Variants in TXNRD2 observed in about 807,000 individuals in gnomAD.
The protein encoded by TXNRD2 is thioredoxin reductase 2, mitochondrial.
A neutral mutation model predicts 70.8 loss-of-function variants in TXNRD2; 67 were observed. That is an observed-to-expected ratio of 0.95 (90% CI 0.78 to 1.16). The LOEUF is 1.16. TXNRD2 is among the 50% of genes most tolerant of loss of function. TXNRD2 has a pLI of 0.00. For missense variants in TXNRD2, 644 were observed against 719.9 expected (o/e 0.89, Z 1.21); for synonymous variants, 301 against 295.8 (o/e 1.02, Z -0.18).
At chr22:19,933,802 G>A (rs1941449691) in intron 1 of TXNRD2, among the ~76,000 whole-genome samples, 1 of 152,176 alleles carries the variant, frequency 6.6e-6, no homozygotes, top group Non-Finnish European at 1.5e-5. Flanking sequence ...CACACCACCT[G>A]TGCACTCCAG....
chr22:19,918,534 C>G (rs1002437564), intron 4 of TXNRD2, among the ~76,000 whole-genome samples: 1 of 151,984 alleles, frequency 6.6e-6, no homozygotes, highest in Non-Finnish European at 1.5e-5. Flanking sequence ...GCCACGTGGT[C>G]CCCTTCCCAG....
intron 1 of TXNRD2, among the ~76,000 whole-genome samples, chr22:19,937,663 C>T (rs1371963536): frequency 6.6e-6 from 1 of 152,110 alleles, no homozygotes; most frequent in Non-Finnish European, 1.5e-5. Context: ...TTTCTTGGAG[C>T]CTGCTATAAT....
At chr22:19,928,213 C>G (rs1941224945) in intron 2 of TXNRD2, among the ~76,000 whole-genome samples, 1 of 152,000 alleles carries the variant, frequency 6.6e-6, no homozygotes, top group African/African-American at 2.4e-5. Flanking sequence ...CCAGTTGGTC[C>G]ATTTTTAGGC....
At chr22:19,936,077 C>T (rs550427275) in intron 1 of TXNRD2, among the ~76,000 whole-genome samples, 7 of 152,246 alleles carry the variant, frequency 4.6e-5, no homozygotes, top group South Asian at 4.2e-4. Flanking sequence ...GAAAAGGGAA[C>T]GTTAGATGTG....
chr22:19,898,510 CTTTT>C (rs386394954), intron 9 of TXNRD2, among the ~76,000 whole-genome samples: 36 of 94,390 alleles, frequency 3.8e-4, no homozygotes, highest in African/African-American at 1.4e-3. Flanking sequence ...CGGCTTGGGG[CTTTT>C]TTTTTTTTTT....
intron 8 of TXNRD2, among the ~76,000 whole-genome samples, chr22:19,899,803 G>A (rs570391783): frequency 6.6e-6 from 1 of 152,232 alleles, no homozygotes; most frequent in African/African-American, 2.4e-5. Context: ...GCACATACTC[G>A]CATGGGTACA....
At chr22:19,911,325 GCTCA>G in intron 8 of TXNRD2, 48 bp downstream of exon 8, 1 of 1,417,814 alleles carries the variant, frequency 7.1e-7, no homozygotes, top group Non-Finnish European at 1.0e-6. Flanking sequence ...AGGGTCCAGT[GCTCA>G]CTCTGGTGAA....
intron 11 of TXNRD2, 39 bp from the exon 12 acceptor site, chr22:19,883,500 G>C (rs889432366): frequency 1.2e-6 from 2 of 1,613,332 alleles, no homozygotes; most frequent in Non-Finnish European, 1.7e-6. Context: ...GTTATCTTCA[G>C]TGGCTTTGAC....
intron 17 of TXNRD2, chr22:19,876,653 A>G (rs374209468): frequency 1.2e-4 from 19 of 155,076 alleles, no homozygotes; most frequent in African/African-American, 4.6e-4. Flanking sequence ...CCTTGGTGGG[A>G]GGCCTCGGTG....
intron 2 of TXNRD2, among the ~76,000 whole-genome samples, chr22:19,930,235 G>C (rs1201630733): frequency 2.6e-5 from 4 of 152,130 alleles, no homozygotes; most frequent in Non-Finnish European, 5.9e-5. Flanking sequence ...CCCAATACTG[G>C]ACATCAGAGA....
chr22:19,881,603 T>C (rs1360790855), intron 12 of TXNRD2, among the ~76,000 whole-genome samples: 2 of 152,234 alleles, frequency 1.3e-5, no homozygotes, highest in Admixed American at 1.3e-4. Flanking sequence ...CGGTTTGAAA[T>C]GTTCCAGTTT....
chr22:19,889,141 G>A (rs907366772), intron 11 of TXNRD2, among the ~76,000 whole-genome samples: 6 of 152,066 alleles, frequency 3.9e-5, no homozygotes, highest in Non-Finnish European at 8.8e-5. Flanking sequence ...CTCCTTGGGG[G>A]GTGGGGGTGA....
Position 19,878,190 on chromosome 22 carries a change from G to C in TXNRD2, c.1348-3C>G. The C allele has an allele frequency of 1.2e-6, 2 of 1,612,818 alleles. No homozygotes were observed. The highest frequency in any genetic ancestry group is 8.5e-7 in the Non-Finnish European group (1 of 1,179,800). On this transcript the variant is annotated splice_region_variant and splice_polypyrimidine_tract_variant and intron_variant, in intron 15 of 17. Transcript: ENST00000400521. ...GGGGGCTCCCTCAGGCACACCATCT[G>C]AAAGCCGCACATCTCAGCCACCAGC...
At chr22:19,895,383 G>A (rs779909366) in intron 11 of TXNRD2, 24 bp downstream of exon 11, 8 of 1,613,590 alleles carry the variant, frequency 5.0e-6, no homozygotes, top group Non-Finnish European at 6.8e-6. Flanking sequence ...CAGAGACAGA[G>A]CGTGTGGCTC....
At chr22:19,900,337 A>G (rs1429367472) in intron 8 of TXNRD2, among the ~76,000 whole-genome samples, 1 of 152,244 alleles carries the variant, frequency 6.6e-6, no homozygotes, top group East Asian at 1.9e-4. Flanking sequence ...ACTTCCACAC[A>G]TGCACACACA....
intron 2 of TXNRD2, among the ~76,000 whole-genome samples, chr22:19,930,630 C>T (rs1487333795): frequency 1.3e-5 from 2 of 152,162 alleles, no homozygotes; most frequent in Non-Finnish European, 2.9e-5. Flanking sequence ...AGCCTCGCAG[C>T]TAGCCGGGCA....
intron 1 of TXNRD2, 53 bp downstream of exon 1, chr22:19,941,648 G>C: frequency 7.1e-7 from 1 of 1,411,120 alleles, no homozygotes; most frequent in Non-Finnish European, 9.2e-7. Flanking sequence ...CCCTCACGAG[G>C]ACACCCCGGC....
intron 12 of TXNRD2, 144 bp downstream of exon 12, chr22:19,883,181 C>T: frequency 9.5e-7 from 1 of 1,050,836 alleles, no homozygotes; most frequent in Non-Finnish European, 1.4e-6. Context: ...TCCAGACAGG[C>T]TGGCCCTGGG....
Position 19,941,782 on chromosome 22 carries a change from G to GCGCCAC in TXNRD2, c.16_21dup (p.Val6_Ala7dup). ...CGGAAGCGCCCTCCTAATCCCCGCA[G>GCGCCAC]CGCCACCGCCATTGCCGCCATCGTC... On this transcript the variant is annotated inframe_insertion, in exon 1 of 18. Transcript: ENST00000400521. 1 of 1,528,840 alleles carries GCGCCAC rather than the reference G, an allele frequency of 6.5e-7. No homozygotes were observed. Among genetic ancestry groups the GCGCCAC allele is most frequent in the Non-Finnish European group, 8.7e-7 (1 of 1,148,136 alleles). The allele number at this position is 1,528,840 out of a possible 1,614,324, so 94.7% of individuals were successfully genotyped here.
Sources: gnomAD v4.1 joint callset for allele counts (sites outside exome capture counted in the v4.1 genomes callset) on GRCh38, gnomAD v4.1.1 for gene constraint, MANE v1.5 for transcripts, NCBI Gene and HGNC (gene_info 2026-07-23, HGNC 2026-07-21) for gene names.